The following ADCY2 variants were observed in gnomAD, a reference collection of about 807,000 sequenced individuals.
The protein encoded by ADCY2 is adenylate cyclase type 2.
Under a neutral mutation model 125.2 loss-of-function variants are expected in ADCY2, and 31 were observed. The ratio of observed to expected loss-of-function variants is 0.25; its 90% CI spans 0.19 to 0.33. The LOEUF is 0.33. ADCY2 is among the 10% of genes least tolerant of loss of function. The pLI is 1.00. For missense variants in ADCY2, 904 were observed against 1,418.2 expected (o/e 0.64, Z 5.82); for synonymous variants, 512 against 548.4 (o/e 0.93, Z 0.93).
At chr5:7,657,150 CA>C (rs1440471847) in intron 4 of ADCY2, among the ~76,000 whole-genome samples, 1 of 152,238 alleles carries the variant, frequency 6.6e-6, no homozygotes, top group Non-Finnish European at 1.5e-5. Flanking sequence ...TTCCAAGAAC[CA>C]AAAAATTCTG....
intron 24 of ADCY2, among the ~76,000 whole-genome samples, chr5:7,821,196 A>G (rs1257764223): frequency 6.6e-6 from 1 of 152,228 alleles, no homozygotes; most frequent in Non-Finnish European, 1.5e-5. Context: ...GGAAGGTGTA[A>G]CAAATGAAAA....
chr5:7,708,879 C>A (rs1314759634), intron 9 of ADCY2, among the ~76,000 whole-genome samples: 1 of 152,170 alleles, frequency 6.6e-6, no homozygotes, highest in African/African-American at 2.4e-5. Context: ...AACAGCACTA[C>A]AGTTATCACT....
chr5:7,755,977 C>T (rs1197778127), intron 15 of ADCY2, among the ~76,000 whole-genome samples: 2 of 152,192 alleles, frequency 1.3e-5, no homozygotes, highest in African/African-American at 2.4e-5. Context: ...TTGGTAGTAT[C>T]GATCAAAGGG....
At chr5:7,456,625 A>C (rs10474814) in intron 2 of ADCY2, among the ~76,000 whole-genome samples, 1 of 152,154 alleles carries the variant, frequency 6.6e-6, no homozygotes, top group Non-Finnish European at 1.5e-5. Flanking sequence ...TATTCTTGCT[A>C]TAATATTTAA....
In ADCY2 at chr5:7,827,943, T is replaced by A. The variant is rs970824359; in HGVS notation, c.*1072T>A. On this transcript the variant is annotated 3_prime_UTR_variant, in exon 25 of 25. Coordinates refer to ENST00000338316, the MANE Select transcript of ADCY2 (RefSeq NM_020546.3). The stretch of plus-strand genomic sequence containing the variant: ...ATTTGGAATCAGCTATGCAAATCAG[T>A]CTCACAATAGCGTGAGCTAACTGAG... The A allele has an allele frequency of 6.5e-6, 1 of 152,734 alleles. No individual in the cohort carries two copies. Among genetic ancestry groups the A allele is most frequent in the Non-Finnish European group, 1.5e-5 (1 of 68,056 alleles). The allele number at this position is 152,734 out of a possible 1,614,324, so 9.5% of individuals were successfully genotyped here.
chr5:7,768,294 A>T (rs1015223909), intron 17 of ADCY2, among the ~76,000 whole-genome samples: 2 of 152,190 alleles, frequency 1.3e-5, no homozygotes, highest in Non-Finnish European at 2.9e-5. Context: ...GTGAGAGTTT[A>T]TTGACTGTAA....
intron 3 of ADCY2, among the ~76,000 whole-genome samples, chr5:7,610,368 A>G (rs1209533249): frequency 1.3e-5 from 2 of 152,136 alleles, no homozygotes; most frequent in Non-Finnish European, 2.9e-5. Flanking sequence ...GATTCTCCAT[A>G]GGAGAAAGGG....
At chr5:7,777,997 A>T (rs1743795190) in intron 18 of ADCY2, among the ~76,000 whole-genome samples, 1 of 152,220 alleles carries the variant, frequency 6.6e-6, no homozygotes, top group South Asian at 2.1e-4. Flanking sequence ...AGTTTCTCAG[A>T]TGTTTCCTAT....
Position 7,396,599 on chromosome 5 carries a change from TCGGCCCGCGGC to T in ADCY2, c.210+94_210+104del. The T allele has an allele frequency of 1.3e-6, 1 of 746,390 alleles. No homozygotes were observed. 46.2% of individuals were successfully genotyped at this position (746,390 alleles called of 1,614,324 possible). On this transcript the variant is annotated intron_variant, in intron 1 of 24. Coordinates refer to ENST00000338316, the MANE Select transcript of ADCY2 (RefSeq NM_020546.3). The surrounding 1 kb of genome is among the most constrained non-coding windows in gnomAD (Gnocchi z 5.7). Reference sequence around the variant, plus strand: ...GCCGCGTCCCGCTCCGGGCTGCCCCTCGGCCCGCGGCAGCCCCTCGGCCCGCGGCAGCCCCT... The same window carrying T: ...GCCGCGTCCCGCTCCGGGCTGCCCCTAGCCCCTCGGCCCGCGGCAGCCCCT...
chr5:7,700,523 CA>C (rs1741043878), intron 7 of ADCY2, among the ~76,000 whole-genome samples: 1 of 148,764 alleles, frequency 6.7e-6, no homozygotes, highest in Non-Finnish European at 1.5e-5. Flanking sequence ...TTAATCTGAA[CA>C]GCGTTGGAAT....
Position 7,659,903 on chromosome 5 carries a change from G to A in ADCY2, c.721-30788G>A, listed in dbSNP as rs577131170. ...TAACCAGATGACCTGTGTAAACACA[G>A]TAATAAAAGATGGAGCTACTTATGT... On this transcript the variant is annotated intron_variant, in intron 4 of 24. Transcript: ENST00000338316. 1.8e-3 allele frequency among the ~76,000 whole-genome samples: 273 copies of A among 152,286 alleles called. 1 individual carries two copies. Among genetic ancestry groups the A allele is most frequent in the African/African-American group, 6.4e-3 (264 of 41,566 alleles).
intron 3 of ADCY2, among the ~76,000 whole-genome samples, chr5:7,615,514 T>C (rs1737725234): frequency 6.6e-6 from 1 of 152,226 alleles, no homozygotes; most frequent in South Asian, 2.1e-4. Context: ...TCTGCTACTG[T>C]CTCAAAATTT....
chr5:7,815,955 C>G lies in ADCY2; in HGVS notation c.2884-911C>G, dbSNP rs557124552. ...TCTCTCCTGAGGCCTCTCTTCTCCC[C>G]CTGTCGGGCCTCTTTCCTTCCTCTC... On this transcript the variant is annotated intron_variant, in intron 22 of 24. Transcript: ENST00000338316. 1.7e-3 allele frequency among the ~76,000 whole-genome samples: 259 copies of G among 152,320 alleles called. 1 individual carries two copies. Among genetic ancestry groups the G allele is most frequent in the Middle Eastern group, 6.8e-3 (2 of 292 alleles).
chr5:7,475,478 T>C (rs1742489594), intron 2 of ADCY2, among the ~76,000 whole-genome samples: 1 of 151,928 alleles, frequency 6.6e-6, no homozygotes, highest in Admixed American at 6.6e-5. Context: ...GTCCCCCGGG[T>C]TTGAGAGATT....
intron 3 of ADCY2, among the ~76,000 whole-genome samples, chr5:7,620,779 T>G (rs905292571): frequency 6.6e-6 from 1 of 152,216 alleles, no homozygotes; most frequent in African/African-American, 2.4e-5. Context: ...TTCCCTTTTA[T>G]TTTCCTTTGA....
intron 17 of ADCY2, among the ~76,000 whole-genome samples, chr5:7,772,059 T>G (rs1390960084): frequency 6.6e-6 from 1 of 152,204 alleles, no homozygotes; most frequent in African/African-American, 2.4e-5. Flanking sequence ...TGCATTACTT[T>G]TTTATCTCTG....
intron 2 of ADCY2, among the ~76,000 whole-genome samples, chr5:7,430,556 ATATAC>A (rs1740557717): frequency 6.7e-6 from 1 of 148,334 alleles, no homozygotes; most frequent in South Asian, 2.1e-4. Context: ...TAGTATATTG[ATATAC>A]TATATATATA....
At chr5:7,550,534 A>G (rs759299366) in intron 3 of ADCY2, among the ~76,000 whole-genome samples, 1 of 152,196 alleles carries the variant, frequency 6.6e-6, no homozygotes, top group Non-Finnish European at 1.5e-5. Flanking sequence ...CAACTTTGGG[A>G]TGACCAAGCC....
At chr5:7,534,378 ATGT>A (rs1322372736) in intron 3 of ADCY2, among the ~76,000 whole-genome samples, 1 of 152,188 alleles carries the variant, frequency 6.6e-6, no homozygotes, top group African/African-American at 2.4e-5. Flanking sequence ...AGAAGAGGAA[ATGT>A]TGTCTTTGTG....
Sources: gnomAD v4.1 joint callset for allele counts (sites outside exome capture counted in the v4.1 genomes callset) on GRCh38, gnomAD v4.1.1 for gene constraint, Gnocchi (gnomAD v3.1) non-coding constraint, MANE v1.5 for transcripts, NCBI Gene and HGNC (gene_info 2026-07-23, HGNC 2026-07-21) for gene names.